SGCZ: variants seen among roughly 807,000 people sequenced by gnomAD.
SGCZ encodes zeta-sarcoglycan.
SGCZ carries 40 observed loss-of-function variants against 41.3 expected under a neutral mutation model. That is an observed-to-expected ratio of 0.97 (90% CI 0.75 to 1.26). The LOEUF (loss-of-function observed/expected upper bound fraction) is 1.26. SGCZ is among the 50% of genes most tolerant of loss of function. The pLI is 0.00. For missense variants in SGCZ, 552 were observed against 369.8 expected (o/e 1.49, Z -4.04); for synonymous variants, 206 against 137.5 (o/e 1.50, Z -3.49).
chr8:14,112,756 G>A (rs1802413395), intron 5 of SGCZ, among the ~76,000 whole-genome samples: 1 of 151,968 alleles, frequency 6.6e-6, no homozygotes, highest in Non-Finnish European at 1.5e-5. Flanking sequence ...TGATCTCTAA[G>A]GTACTTGCAA....
intron 1 of SGCZ, among the ~76,000 whole-genome samples, chr8:14,847,821 C>G (rs1051395176): frequency 1.4e-5 from 2 of 144,424 alleles, no homozygotes; most frequent in East Asian, 4.3e-4. Flanking sequence ...TGACTGTTTT[C>G]TCTCTAATAT....
chr8:14,273,253 A>G (rs1192936424), intron 3 of SGCZ, among the ~76,000 whole-genome samples: 1 of 152,218 alleles, frequency 6.6e-6, no homozygotes, highest in Non-Finnish European at 1.5e-5. Context: ...TTTATAGCTT[A>G]GTCCTAGGCT....
chr8:14,386,566 T>A (rs1804586020), intron 2 of SGCZ, among the ~76,000 whole-genome samples: 1 of 152,184 alleles, frequency 6.6e-6, no homozygotes, highest in South Asian at 2.1e-4. Flanking sequence ...TTTCAGGCAC[T>A]GTAAAGTGGT....
intron 1 of SGCZ, among the ~76,000 whole-genome samples, chr8:15,216,448 C>G (rs1801407376): frequency 6.6e-6 from 1 of 151,950 alleles, no homozygotes; most frequent in African/African-American, 2.4e-5. Context: ...TCTCGATCTC[C>G]TGACCTCATG....
At chr8:14,998,867 G>C (rs983020750) in intron 1 of SGCZ, among the ~76,000 whole-genome samples, 3 of 152,246 alleles carry the variant, frequency 2.0e-5, no homozygotes, top group South Asian at 4.1e-4. Context: ...TATCATCCTA[G>C]CTATTGATAT....
At chr8:14,188,931 G>A (rs1301778768) in intron 4 of SGCZ, among the ~76,000 whole-genome samples, 8 of 149,508 alleles carry the variant, frequency 5.4e-5, no homozygotes, top group African/African-American at 7.4e-5. Context: ...ACCCGGGTTC[G>A]AGCAACCTCC....
intron 1 of SGCZ, among the ~76,000 whole-genome samples, chr8:15,123,317 T>C (rs573370475): frequency 3.9e-4 from 60 of 152,306 alleles, no homozygotes; most frequent in African/African-American, 1.3e-3. Flanking sequence ...TGCCTTTTAT[T>C]TTCGCTTTTC....
intron 1 of SGCZ, among the ~76,000 whole-genome samples, chr8:15,195,017 C>A (rs1457321317): frequency 6.6e-6 from 1 of 152,182 alleles, no homozygotes; most frequent in Non-Finnish European, 1.5e-5. Context: ...AAATTCCCAT[C>A]TTATTATCTT....
chr8:14,607,344 G>T (rs533995214), intron 1 of SGCZ, among the ~76,000 whole-genome samples: 73 of 152,048 alleles, frequency 4.8e-4, no homozygotes, highest in African/African-American at 1.7e-3. Context: ...ACTGAATTAC[G>T]ATCATCACTG....
At chr8:14,724,744 G>A (rs1319842858) in intron 1 of SGCZ, among the ~76,000 whole-genome samples, 1 of 151,570 alleles carries the variant, frequency 6.6e-6, no homozygotes, top group Non-Finnish European at 1.5e-5. Context: ...ATATATTTAT[G>A]GGATACATTT....
intron 2 of SGCZ, among the ~76,000 whole-genome samples, chr8:14,421,040 T>G (rs1480472501): frequency 5.3e-5 from 8 of 152,124 alleles, no homozygotes; most frequent in Admixed American, 6.6e-5. Flanking sequence ...CCAAAGATAA[T>G]GAGATGATTT....
intron 1 of SGCZ, among the ~76,000 whole-genome samples, chr8:14,706,482 T>G (rs982354506): frequency 6.6e-6 from 1 of 152,154 alleles, no homozygotes; most frequent in African/African-American, 2.4e-5. Flanking sequence ...TAGACACATG[T>G]GTAAACCTTT....
intron 1 of SGCZ, among the ~76,000 whole-genome samples, chr8:14,793,829 A>C (rs545970638): frequency 6.6e-6 from 1 of 152,278 alleles, no homozygotes; most frequent in Non-Finnish European, 1.5e-5. Context: ...TATTTGAAAG[A>C]AGCTGAAATA....
chr8:14,389,716 T>C (rs1409875630), intron 2 of SGCZ, among the ~76,000 whole-genome samples: 1 of 151,898 alleles, frequency 6.6e-6, no homozygotes, highest in Non-Finnish European at 1.5e-5. Context: ...CAAGAGGAAA[T>C]GAGAATGAAG....
intron 2 of SGCZ, among the ~76,000 whole-genome samples, chr8:14,532,465 T>C (rs374689098): frequency 6.6e-6 from 1 of 151,948 alleles, no homozygotes; most frequent in South Asian, 2.1e-4. Context: ...AGACAGACAC[T>C]GAAATGACTT....
intron 2 of SGCZ, among the ~76,000 whole-genome samples, chr8:14,360,407 C>A (rs1170517972): frequency 1.3e-5 from 2 of 151,806 alleles, no homozygotes; most frequent in African/African-American, 4.8e-5. Flanking sequence ...CTCGCTGTAA[C>A]CTCCGCCTCC....
At chr8:14,351,106 A>C (rs952757998) in intron 2 of SGCZ, among the ~76,000 whole-genome samples, 18 of 151,998 alleles carry the variant, frequency 1.2e-4, no homozygotes, top group African/African-American at 4.3e-4. Flanking sequence ...TCCTCTTCCT[A>C]ATTTTCATTA....
At chr8:15,186,007 G>C (rs191042824) in intron 1 of SGCZ, among the ~76,000 whole-genome samples, 2 of 151,056 alleles carry the variant, frequency 1.3e-5, no homozygotes, top group Admixed American at 6.6e-5. Flanking sequence ...GGCAGATCAC[G>C]AGGTCAGGAG....
At chr8:14,231,883 G>T (rs1046893982) in intron 4 of SGCZ, among the ~76,000 whole-genome samples, 1 of 151,904 alleles carries the variant, frequency 6.6e-6, no homozygotes, top group Non-Finnish European at 1.5e-5. Context: ...TTTATTACCA[G>T]GAACATCACT....
Sources: allele counts gnomAD v4.1 joint callset (sites outside exome capture counted in the v4.1 genomes callset), GRCh38; gene constraint gnomAD v4.1.1; transcripts MANE v1.5; gene names NCBI Gene and HGNC (gene_info 2026-07-23, HGNC 2026-07-21).